Variants in EPAS1 observed in about 807,000 individuals in gnomAD.
EPAS1 encodes the protein endothelial PAS domain-containing protein 1.
In EPAS1, 23 loss-of-function variants were observed where a neutral mutation model predicts 87.9. The observed-to-expected ratio is 0.26, with a 90% CI of 0.19 to 0.37. EPAS1 has a LOEUF of 0.37. Ranked by LOEUF, EPAS1 falls within the 10% of genes least tolerant of loss-of-function variation. EPAS1 has a pLI of 1.00. For synonymous variants in EPAS1, 508 were observed against 444.3 expected (o/e 1.14, Z -1.80); for missense variants, 1,138 against 1,120.7 (o/e 1.02, Z -0.22).
Position 46,360,795 on chromosome 2 carries a change from A to AGG in EPAS1, c.573+41_573+42dup, listed in dbSNP as rs773066013. ...AGGCCTGGGTTGGAGTCCCAGGTGT[A>AGG]GGGTAACGGCGGTGCAGGGGATGCC... On this transcript the variant is annotated intron_variant, in intron 5 of 15. Transcript: ENST00000263734. The surrounding 1 kb of genome is among the most constrained non-coding windows in gnomAD (Gnocchi z 4.5). The AGG allele has an allele frequency of 1.9e-6, 3 of 1,612,738 alleles. No homozygotes were observed. The East Asian group carries it at 6.7e-5, about 36-fold the overall frequency.
rs941559181 is a variant in EPAS1, at chr2:46,381,360, A to C, written c.2046-236A>C. On this transcript the variant is annotated intron_variant, in intron 12 of 15. Coordinates refer to ENST00000263734, the MANE Select transcript of EPAS1 (RefSeq NM_001430.5). ...TCCTAAGGACTAACATTGCCCAGCC[A>C]GGCAGCCATCCCCCAGACCAGGAGG... The C allele has an allele frequency of 1.0e-5, 6 of 599,436 alleles. No homozygotes were observed. In the African/African-American group the frequency reaches 1.1e-4, roughly 11 times the overall value. The allele number at this position is 599,436 out of a possible 1,614,324, so 37.1% of individuals were successfully genotyped here. A position where few individuals can be genotyped will look rare whatever the true frequency, so the allele number is the denominator to read the frequency against.
intron 1 of EPAS1, among the ~76,000 whole-genome samples, chr2:46,306,176 GTA>G (rs1321685350): frequency 6.6e-6 from 1 of 152,172 alleles, no homozygotes; most frequent in Non-Finnish European, 1.5e-5. Context: ...TACCCAGACA[GTA>G]TTTATCTGTC....
Position 46,347,782 on chromosome 2 carries a change from T to G in EPAS1, c.217+719T>G, listed in dbSNP as rs145959347. ...ACATTCTTCAAGAAACCATTTCCTA[T>G]GCGTCCTGACCAGAAACAGGTGTCT... On this transcript the variant is annotated intron_variant, in intron 2 of 15. Transcript: ENST00000263734. This position sits in a 1 kb window ranked among gnomAD's most constrained non-coding sequence, Gnocchi z 4.2. 6.6e-6 allele frequency among the ~76,000 whole-genome samples: 1 copy of G among 152,354 alleles called. No homozygotes were observed. Among genetic ancestry groups the G allele is most frequent in the East Asian group, 1.9e-4 (1 of 5,186 alleles).
In EPAS1 at chr2:46,369,128, A is replaced by G. The variant is rs570116876; in HGVS notation, c.780-699A>G. Among the ~76,000 whole-genome samples the G allele has an allele frequency of 2.4e-4, 36 of 152,268 alleles. 1 individual carries two copies. In the South Asian group the frequency reaches 4.6e-3, roughly 19 times the overall value. ...TATAATAAGGCACATTTCTATGACT[A>G]TGATTTAATATTTCTTCCTCTCAGC... On this transcript the variant is annotated intron_variant, in intron 6 of 15. Coordinates refer to ENST00000263734, the MANE Select transcript of EPAS1 (RefSeq NM_001430.5).
chr2:46,362,548 A>G (rs964089890), intron 6 of EPAS1, among the ~76,000 whole-genome samples: 4 of 152,174 alleles, frequency 2.6e-5, no homozygotes, highest in African/African-American at 9.7e-5. Context: ...GCAGGAAACC[A>G]TGGAACCCCA....
At chr2:46,331,752 G>C (rs1683678530) in intron 1 of EPAS1, among the ~76,000 whole-genome samples, 1 of 152,214 alleles carries the variant, frequency 6.6e-6, no homozygotes, top group Non-Finnish European at 1.5e-5. Flanking sequence ...CCTGGACACA[G>C]CTGAGAGACT....
intron 7 of EPAS1, among the ~76,000 whole-genome samples, chr2:46,370,224 C>T (rs1197405482): frequency 6.6e-6 from 1 of 152,230 alleles, no homozygotes; most frequent in Non-Finnish European, 1.5e-5. Context: ...CCCATACCAC[C>T]TCCACGGAGT....
rs1684889751 is a variant in EPAS1, at chr2:46,381,480, G to A, written c.2046-116G>A. Reference sequence around the variant, plus strand: ...CTGCCTCTGAGACTCTGCCTTTTGGGTCTTTGAGTCATCACAGGCATCAGC... The same window carrying A: ...CTGCCTCTGAGACTCTGCCTTTTGGATCTTTGAGTCATCACAGGCATCAGC... On this transcript the variant is annotated intron_variant, in intron 12 of 15. Transcript: ENST00000263734. The A allele has an allele frequency of 5.2e-6, 8 of 1,549,246 alleles. No homozygotes were observed. The Admixed American group carries it at 1.2e-4, about 23-fold the overall frequency.
chr2:46,356,412 A>C (rs1684273222), intron 3 of EPAS1, 110 bp downstream of exon 3: 1 of 1,406,612 alleles, frequency 7.1e-7, no homozygotes, highest in African/African-American at 1.4e-5. Context: ...GCAAATGCCC[A>C]CGGTGACCCT....
In EPAS1 at chr2:46,307,913, T is replaced by A. The variant is rs191861392; in HGVS notation, c.26+9976T>A. ...TGTGGATTTGGGTTTCTCTTAGGGA[T>A]CTCCAAAGATTAGCTAGACACTCAG... On this transcript the variant is annotated intron_variant, in intron 1 of 15. Coordinates refer to ENST00000263734, the MANE Select transcript of EPAS1 (RefSeq NM_001430.5). Among the ~76,000 whole-genome samples the A allele has an allele frequency of 6.4e-4, 97 of 152,204 alleles. 2 individuals are homozygous for A. In the East Asian group the frequency reaches 0.015, roughly 24 times the overall value.
rs567394199 is a variant in EPAS1 at position 46,330,475 on chromosome 2, G to C, written c.27-16398G>C. 5.9e-5 allele frequency among the ~76,000 whole-genome samples: 9 copies of C among 152,298 alleles called. No individual in the cohort carries two copies. The East Asian group carries it at 7.7e-4, about 13-fold the overall frequency. ...AAATAAGCCATCCTGCAAAGAGCAG[G>C]GTTCCCAGTGGCCTTGAGGTTTGTC... On this transcript the variant is annotated intron_variant, in intron 1 of 15. Transcript: ENST00000263734.
rs151290096 is a variant in EPAS1, at chr2:46,371,164, C to T, written c.886+1231C>T. Among the ~76,000 whole-genome samples the T allele has an allele frequency of 1.1e-4, 17 of 152,248 alleles. No individual in the cohort carries two copies. The East Asian group carries it at 2.9e-3, about 26-fold the overall frequency. ...AGGATTAAAAACGGGTAAAGTAAGT[C>T]TGAGAAGATTCCCAGTGGCCCTGCT... On this transcript the variant is annotated intron_variant, in intron 7 of 15. Coordinates refer to ENST00000263734, the MANE Select transcript of EPAS1 (RefSeq NM_001430.5). This position sits in a 1 kb window ranked among gnomAD's most constrained non-coding sequence, Gnocchi z 4.3.
chr2:46,308,463 G>GT (rs1553388773), intron 1 of EPAS1, among the ~76,000 whole-genome samples: 1 of 142,402 alleles, frequency 7.0e-6, no homozygotes, highest in Non-Finnish European at 1.5e-5. Context: ...TTTTTTTTGG[G>GT]GGGGGGGGCT....
At chr2:46,358,057 T>C (rs2103631541) in intron 4 of EPAS1, among the ~76,000 whole-genome samples, 1 of 152,346 alleles carries the variant, frequency 6.6e-6, no homozygotes, top group Non-Finnish European at 1.5e-5. Flanking sequence ...CCATGGGGCT[T>C]GTGCTTGTCC....
chr2:46,333,974 G>T lies in EPAS1; in HGVS notation c.27-12899G>T, dbSNP rs545290017. ...GGGTGAAGTTTGTTTTTCATCCCAT[G>T]GGTAACATTTATGAGTTACTGTTCA... On this transcript the variant is annotated intron_variant, in intron 1 of 15. Transcript: ENST00000263734. Among the ~76,000 whole-genome samples, 3 of 152,246 alleles carry T rather than the reference G, an allele frequency of 2.0e-5. No individual in the cohort carries two copies. The South Asian group carries it at 6.2e-4, about 32-fold the overall frequency.
At chr2:46,302,102 A>C (rs1683011726) in intron 1 of EPAS1, among the ~76,000 whole-genome samples, 5 of 107,642 alleles carry the variant, frequency 4.6e-5, no homozygotes, top group East Asian at 2.9e-4. Context: ...TTTACTTAGA[A>C]TGTCCCTCTT....
chr2:46,379,945 G>A (rs1222661538), intron 11 of EPAS1: 7 of 519,006 alleles, frequency 1.3e-5, no homozygotes, highest in Non-Finnish European at 1.8e-5. Flanking sequence ...AAGAGAGAAG[G>A]CGGGCTCCGG....
chr2:46,316,552 C>T (rs774225327), intron 1 of EPAS1, among the ~76,000 whole-genome samples: 2 of 152,214 alleles, frequency 1.3e-5, no homozygotes, highest in African/African-American at 2.4e-5. Context: ...TGAGCCACCG[C>T]ACCTGGCCAA....
chr2:46,355,661 G>A (rs150669458), intron 2 of EPAS1, among the ~76,000 whole-genome samples: 2 of 152,314 alleles, frequency 1.3e-5, no homozygotes, highest in African/African-American at 4.8e-5. Context: ...ATTGATGTTT[G>A]CACTGGATAA....
Sources: gnomAD v4.1 joint callset for allele counts (sites outside exome capture counted in the v4.1 genomes callset) on GRCh38, gnomAD v4.1.1 for gene constraint, Gnocchi (gnomAD v3.1) non-coding constraint, MANE v1.5 for transcripts, NCBI Gene and HGNC (gene_info 2026-07-23, HGNC 2026-07-21) for gene names.